Variants in ZNF407 observed in about 807,000 individuals in gnomAD.
The protein encoded by ZNF407 is zinc finger protein 407.
A neutral mutation model predicts 131.2 loss-of-function variants in ZNF407; 17 were observed. The observed-to-expected ratio is 0.13, with a 90% CI of 0.09 to 0.19. The LOEUF (loss-of-function observed/expected upper bound fraction) is 0.19, where lower values mean the gene tolerates loss of function less well. ZNF407 is among the 10% of genes least tolerant of loss of function. The probability of loss-of-function intolerance (pLI) is 1.00; values close to 1 mark genes in which losing one functional copy is unlikely to be tolerated. For missense variants in ZNF407, 2,681 were observed against 2,830.6 expected (o/e 0.95, Z 1.20); for synonymous variants, 1,156 against 1,062.0 (o/e 1.09, Z -1.72).
Position 74,635,494 on chromosome 18 carries a change from C to T in ZNF407, c.4475C>T (p.Thr1492Ile), listed in dbSNP as rs966507122. The change falls in exon 2 of 9, where the codon ACA (threonine) becomes ATA (isoleucine). Residue 1492 changes from threonine to isoleucine, a missense_variant. Physicochemically the swap from Thr to Ile is moderately conservative, Grantham distance 89 (BLOSUM62 -1). Coordinates refer to ENST00000299687, the MANE Select transcript of ZNF407 (RefSeq NM_017757.3). This position sits in a 1 kb window ranked among gnomAD's most constrained non-coding sequence, Gnocchi z 4.7. ...GGATFKCVKCTEPFDSEQNLF... is the reference protein window; with the variant it reads ...GGATFKCVKCIEPFDSEQNLF... ...GCCACCTTTAAATGTGTCAAGTGCA[C>T]AGAGCCCTTTGATTCTGAACAGAAT... 2 of 1,612,522 alleles carry T rather than the reference C, an allele frequency of 1.2e-6. No individual in the cohort carries two copies. Among genetic ancestry groups the T allele is most frequent in the Non-Finnish European group, 1.7e-6 (2 of 1,179,132 alleles).
intron 3 of ZNF407, among the ~76,000 whole-genome samples, chr18:74,773,299 A>G (rs1029553225): frequency 6.6e-6 from 1 of 151,976 alleles, no homozygotes; most frequent in Non-Finnish European, 1.5e-5. Flanking sequence ...AGCTTAAAGA[A>G]GAAATTGACA....
chr18:74,869,647 A>G (rs1234214846), intron 4 of ZNF407, among the ~76,000 whole-genome samples: 1 of 152,152 alleles, frequency 6.6e-6, no homozygotes, highest in Non-Finnish European at 1.5e-5. Flanking sequence ...TTTTAGGGGC[A>G]GAAGTGGGGG....
chr18:74,952,045 A>G (rs549839526), intron 8 of ZNF407, among the ~76,000 whole-genome samples: 1 of 152,324 alleles, frequency 6.6e-6, no homozygotes, highest in East Asian at 1.9e-4. Context: ...AGGTGTTGCA[A>G]GCAGTTTTCT....
chr18:74,607,586 T>A (rs1982865865), intron 1 of ZNF407, among the ~76,000 whole-genome samples: 1 of 152,158 alleles, frequency 6.6e-6, no homozygotes, highest in African/African-American at 2.4e-5. Flanking sequence ...TTGACGGGGC[T>A]GGGTTTGTGC....
chr18:74,896,070 C>A (rs2145202830), intron 7 of ZNF407, among the ~76,000 whole-genome samples: 1 of 152,224 alleles, frequency 6.6e-6, no homozygotes, highest in East Asian at 1.9e-4. Context: ...ATGAACAGTA[C>A]ACAATCTTCC....
Position 75,048,997 on chromosome 18 carries a change from T to C in ZNF407, c.5429-14153T>C, listed in dbSNP as rs1973466128. 1.3e-5 allele frequency among the ~76,000 whole-genome samples: 2 copies of C among 150,132 alleles called. No homozygotes were observed. The highest frequency in any genetic ancestry group is 4.9e-5 in the African/African-American group (2 of 40,858). On this transcript the variant is annotated intron_variant, in intron 8 of 8. Coordinates refer to ENST00000299687, the MANE Select transcript of ZNF407 (RefSeq NM_017757.3). The surrounding 1 kb of genome is among the most constrained non-coding windows in gnomAD (Gnocchi z 4.1). ...GCTGGCCTGGATGCAGTGGGGGCAG[T>C]GCTGCCAGCCACGCTCCTTGACAGG...
At chr18:74,888,538 A>G (rs2145194149) in intron 6 of ZNF407, among the ~76,000 whole-genome samples, 1 of 152,326 alleles carries the variant, frequency 6.6e-6, no homozygotes, top group Non-Finnish European at 1.5e-5. Context: ...TTCATCTGAA[A>G]TATATGATCT....
chr18:74,635,034 A>G lies in ZNF407; in HGVS notation c.4015A>G (p.Thr1339Ala). The G allele has an allele frequency of 1.9e-6, 3 of 1,613,964 alleles. No individual in the cohort carries two copies. The highest frequency in any genetic ancestry group is 2.5e-6 in the Non-Finnish European group (3 of 1,179,894). The change falls in exon 2 of 9, where the codon ACT (threonine) becomes GCT (alanine). Residue 1339 changes from threonine (T) to alanine (A), a missense_variant. Around this residue, in one of 6 missense-constraint regions of ZNF407, gnomAD observed 1,789 missense variants for 1,748.7 expected, o/e 1.02. Coordinates refer to ENST00000299687, the MANE Select transcript of ZNF407 (RefSeq NM_017757.3). This position sits in a 1 kb window ranked among gnomAD's most constrained non-coding sequence, Gnocchi z 4.7. ...AGTTGAAAGTAGTGATGTCTATGAA[A>G]CTATAATTAGTATTGATGATAAAGG... is the stretch of plus-strand genomic sequence containing the variant. ...STVESSDVYE[T>A]IISIDDKGQA...
intron 3 of ZNF407, among the ~76,000 whole-genome samples, chr18:74,706,468 C>G (rs1369385731): frequency 1.3e-5 from 2 of 152,034 alleles, no homozygotes; most frequent in Admixed American, 6.5e-5. Flanking sequence ...TGTGTATTAC[C>G]CCATGAATTT....
In ZNF407 at chr18:75,064,030, C is replaced by T. The variant is rs1241140965; in HGVS notation, c.6309C>T (p.Thr2103=). The T allele has an allele frequency of 6.2e-7, 1 of 1,603,908 alleles. No homozygotes were observed. The highest frequency in any genetic ancestry group is 1.1e-5 in the South Asian group (1 of 89,262). The stretch of plus-strand genomic sequence containing the variant: ...GCCAGTTGGTCAAGGACGGTGTCAC[C>T]CAGGTGGTGGTGAGCGAAGAGGGTG... The part of the protein sequence containing the change: ...AAGQLVKDGV[T]QVVVSEEGAV... Residue 2103 remains threonine (T), a synonymous_variant, in exon 9 of 9, where the codon ACC becomes ACT. Transcript: ENST00000299687.
intron 8 of ZNF407, among the ~76,000 whole-genome samples, chr18:74,947,161 T>C (rs1313890846): frequency 1.3e-5 from 2 of 152,220 alleles, no homozygotes; most frequent in African/African-American, 4.8e-5. Context: ...TTTCTCCTTT[T>C]TATTTGCATA....
At chr18:75,034,114 A>G (rs1390968100) in intron 8 of ZNF407, among the ~76,000 whole-genome samples, 3 of 152,280 alleles carry the variant, frequency 2.0e-5, no homozygotes, top group South Asian at 2.1e-4. Context: ...TTATACACAC[A>G]TATCAGCGTT....
chr18:74,913,395 G>C (rs1971700550), intron 7 of ZNF407, among the ~76,000 whole-genome samples: 1 of 152,162 alleles, frequency 6.6e-6, no homozygotes, highest in African/African-American at 2.4e-5. Flanking sequence ...AGAAGGTAAG[G>C]GTGGGAGTAG....
chr18:74,769,539 T>C (rs1274352896), intron 3 of ZNF407, among the ~76,000 whole-genome samples: 1 of 152,226 alleles, frequency 6.6e-6, no homozygotes. Flanking sequence ...GAGATTTCAA[T>C]TGGTCATGGC....
At chr18:74,765,085 A>G (rs546702677) in intron 3 of ZNF407, among the ~76,000 whole-genome samples, 31 of 152,268 alleles carry the variant, frequency 2.0e-4, no homozygotes, top group African/African-American at 7.2e-4. Flanking sequence ...TCTATACTAC[A>G]TTATTTTTAT....
At chr18:74,761,617 A>G (rs909010951) in intron 3 of ZNF407, among the ~76,000 whole-genome samples, 6 of 152,160 alleles carry the variant, frequency 3.9e-5, no homozygotes, top group African/African-American at 1.4e-4. Context: ...AGACCCCAAC[A>G]TATAAACCCT....
At chr18:74,754,768 A>G (rs1036590887) in intron 3 of ZNF407, among the ~76,000 whole-genome samples, 2 of 152,198 alleles carry the variant, frequency 1.3e-5, no homozygotes, top group African/African-American at 2.4e-5. Context: ...TTTACTTCCA[A>G]CTATGTGGTC....
At chr18:75,015,543 A>G (rs1973033024) in intron 8 of ZNF407, among the ~76,000 whole-genome samples, 2 of 147,320 alleles carry the variant, frequency 1.4e-5, no homozygotes, top group South Asian at 4.2e-4. Flanking sequence ...AATGATTAAT[A>G]TCATATAAAA....
intron 7 of ZNF407, among the ~76,000 whole-genome samples, chr18:74,914,873 G>C (rs557651383): frequency 2.0e-5 from 3 of 152,284 alleles, no homozygotes; most frequent in Admixed American, 1.3e-4. Flanking sequence ...AAACTGCTCA[G>C]TCATTGCATG....
Sources: allele counts gnomAD v4.1 joint callset (sites outside exome capture counted in the v4.1 genomes callset), GRCh38; gene constraint gnomAD v4.1.1; regional missense constraint gnomAD v4.1.1; non-coding constraint Gnocchi (gnomAD v3.1); transcripts MANE v1.5; gene names NCBI Gene and HGNC (gene_info 2026-07-23, HGNC 2026-07-21).